Variants in SVOP observed in about 807,000 individuals in gnomAD.
SVOP encodes SV2 related protein.
Under a neutral mutation model 69.1 loss-of-function variants are expected in SVOP, and 17 were observed. The ratio of observed to expected loss-of-function variants is 0.25; its 90% CI spans 0.17 to 0.37. The LOEUF is 0.37. Among genes scored for constraint, SVOP ranks in the 10% least tolerant of loss-of-function variants. The pLI is 1.00. For synonymous variants in SVOP, 238 were observed against 238.6 expected (o/e 1.00, Z 0.02); for missense variants, 435 against 597.5 (o/e 0.73, Z 2.84).
intron 11 of SVOP, among the ~76,000 whole-genome samples, chr12:108,931,516 G>A (rs2039818481): frequency 6.6e-6 from 1 of 152,168 alleles, no homozygotes; most frequent in South Asian, 2.1e-4. Context: ...CCCAAGTCCT[G>A]ATTAAATGGG....
chr12:108,999,823 G>A (rs1306511098), intron 1 of SVOP, among the ~76,000 whole-genome samples: 12 of 141,348 alleles, frequency 8.5e-5, no homozygotes, highest in African/African-American at 1.8e-4. Flanking sequence ...GTGTGTAGAG[G>A]GAAATTTATA....
intron 5 of SVOP, among the ~76,000 whole-genome samples, chr12:108,966,619 G>C (rs2040047230): frequency 1.3e-5 from 2 of 152,018 alleles, no homozygotes; most frequent in Admixed American, 1.3e-4. Context: ...CCTGAGGTTG[G>C]GCCAGAATTC....
chr12:108,956,730 A>G (rs554919067), intron 6 of SVOP, among the ~76,000 whole-genome samples: 3 of 152,308 alleles, frequency 2.0e-5, no homozygotes, highest in African/African-American at 7.2e-5. Context: ...ATCCATCATA[A>G]CATTGCATGG....
chr12:108,995,575 G>T (rs1466510330), intron 1 of SVOP, among the ~76,000 whole-genome samples: 1 of 152,108 alleles, frequency 6.6e-6, no homozygotes, highest in Non-Finnish European at 1.5e-5. Context: ...GGATGATAGT[G>T]ATGGTTGCAC....
chr12:109,018,517 A>G (rs1270109342), intron 1 of SVOP, among the ~76,000 whole-genome samples: 1 of 151,900 alleles, frequency 6.6e-6, no homozygotes, highest in Non-Finnish European at 1.5e-5. Flanking sequence ...TCTACAAGGC[A>G]CTCTGAATTT....
At chr12:108,949,119 A>C (rs969091250) in intron 6 of SVOP, among the ~76,000 whole-genome samples, 4 of 152,156 alleles carry the variant, frequency 2.6e-5, no homozygotes, top group African/African-American at 9.7e-5. Flanking sequence ...GTTTAGTTAT[A>C]GAGTATTATA....
intron 6 of SVOP, among the ~76,000 whole-genome samples, chr12:108,959,268 C>T (rs951744062): frequency 9.2e-5 from 14 of 152,070 alleles, no homozygotes; most frequent in African/African-American, 2.2e-4. Context: ...GGCTCCTCAT[C>T]ACCAATAGAA....
chr12:108,930,275 A>G (rs537636770), intron 11 of SVOP, among the ~76,000 whole-genome samples: 5 of 152,326 alleles, frequency 3.3e-5, no homozygotes, highest in African/African-American at 1.2e-4. Context: ...GCAGCCCCCA[A>G]GCCAGAATAG....
intron 1 of SVOP, among the ~76,000 whole-genome samples, chr12:109,018,009 C>T (rs1000730402): frequency 6.6e-5 from 10 of 152,020 alleles, no homozygotes; most frequent in African/African-American, 1.4e-4. Context: ...CTCTAGATTG[C>T]GAGGTGCTTA....
At position 108,968,226 on chromosome 12, in the gene SVOP, A is replaced by C. The variant is rs140186265; in HGVS notation, c.453+4179T>G. 3.9e-4 allele frequency among the ~76,000 whole-genome samples: 60 copies of C among 152,312 alleles called. 1 individual carries two copies. The highest frequency in any genetic ancestry group is 1.3e-3 in the African/African-American group (53 of 41,584). ...CTCAAGAAGTATTTATTGAGTGTGC[A>C]CTCTCAACCAGGGAGGTCAGGCTCT... On this transcript the variant is annotated intron_variant, in intron 5 of 15. Transcript: ENST00000610966.
intron 1 of SVOP, among the ~76,000 whole-genome samples, chr12:108,989,584 C>T (rs563906295): frequency 6.6e-6 from 1 of 152,194 alleles, no homozygotes; most frequent in South Asian, 2.1e-4. Context: ...TCATATGAGT[C>T]AGTCCTTGGC....
intron 5 of SVOP, 130 bp downstream of exon 5, chr12:108,972,275 T>C: frequency 1.2e-6 from 1 of 839,384 alleles, no homozygotes; most frequent in South Asian, 1.6e-5. Context: ...CAGCAATGTC[T>C]TCTCACTGTA....
chr12:108,957,940 G>A lies in SVOP; in HGVS notation c.578+2983C>T, dbSNP rs370303862. Among the ~76,000 whole-genome samples the A allele has an allele frequency of 5.3e-5, 8 of 152,374 alleles. No homozygotes were observed. In the East Asian group the frequency reaches 1.2e-3, roughly 22 times the overall value. On this transcript the variant is annotated intron_variant, in intron 6 of 15. Coordinates refer to ENST00000610966, the MANE Select transcript of SVOP (RefSeq NM_018711.5). ...AGCCGTGAGACTTTTGCAGAAAAGA[G>A]ATTATCCAGAATCCTGGAGGAACTG...
chr12:108,921,713 C>T (rs1183448811), intron 12 of SVOP, among the ~76,000 whole-genome samples: 2 of 152,184 alleles, frequency 1.3e-5, no homozygotes, highest in Admixed American at 1.3e-4. Context: ...AGACACTTCT[C>T]ATTCCTTCTG....
intron 1 of SVOP, among the ~76,000 whole-genome samples, chr12:109,012,009 G>C (rs917266500): frequency 1.1e-4 from 16 of 152,200 alleles, no homozygotes; most frequent in African/African-American, 3.9e-4. Flanking sequence ...TAGGCTGGGC[G>C]CAGTGGCTCA....
chr12:108,976,782 T>C (rs2040108915), intron 4 of SVOP, among the ~76,000 whole-genome samples: 1 of 151,948 alleles, frequency 6.6e-6, no homozygotes, highest in Non-Finnish European at 1.5e-5. Flanking sequence ...GCCCAGCTAA[T>C]TTTTGTATTT....
intron 6 of SVOP, 28 bp downstream of exon 6, chr12:108,960,895 G>T: frequency 6.5e-7 from 1 of 1,534,790 alleles, no homozygotes. Flanking sequence ...CAGCCTGGCT[G>T]CATAGCCAGC....
intron 3 of SVOP, among the ~76,000 whole-genome samples, chr12:108,978,192 CTT>C (rs1294401159): frequency 2.0e-5 from 3 of 152,210 alleles, no homozygotes; most frequent in Admixed American, 6.5e-5. Context: ...TGGCTGTACT[CTT>C]TGCCATAGCC....
intron 1 of SVOP, among the ~76,000 whole-genome samples, chr12:109,004,358 A>T (rs2040291800): frequency 6.7e-6 from 1 of 149,308 alleles, no homozygotes; most frequent in African/African-American, 2.5e-5. Context: ...CCACCATAGA[A>T]TTTTCCTCGG....
Sources: gnomAD v4.1 joint callset for allele counts (sites outside exome capture counted in the v4.1 genomes callset) on GRCh38, gnomAD v4.1.1 for gene constraint, MANE v1.5 for transcripts, NCBI Gene and HGNC (gene_info 2026-07-23, HGNC 2026-07-21) for gene names.